Variants in TTC34 observed in about 807,000 individuals in gnomAD.
The protein encoded by TTC34 is tetratricopeptide repeat domain 34.
TTC34 carries 44 observed loss-of-function variants against 40.7 expected under a neutral mutation model. The ratio of observed to expected loss-of-function variants is 1.08; its 90% CI spans 0.85 to 1.39. The LOEUF (loss-of-function observed/expected upper bound fraction) is 1.39. Among genes scored for constraint, TTC34 ranks in the 40% most tolerant of loss-of-function variants. The pLI is 0.00. For missense variants in TTC34, 884 were observed against 838.0 expected, an observed-to-expected ratio of 1.05 and a Z score of -0.68; for synonymous variants, 422 against 398.6, an observed-to-expected ratio of 1.06 and a Z score of -0.70.
chr1:2,768,075 G>C, intron 6 of TTC34, among the ~76,000 whole-genome samples: 1 of 151,574 alleles, frequency 6.6e-6, no homozygotes, highest in South Asian at 2.1e-4. Context: ...GCCAGGAACG[G>C]CAACCCACAT....
intron 6 of TTC34, among the ~76,000 whole-genome samples, chr1:2,781,900 C>T (rs1006886747): frequency 6.6e-6 from 1 of 152,078 alleles, no homozygotes; most frequent in African/African-American, 2.4e-5. Context: ...TAACAAATTG[C>T]TGAATTTGTT....
chr1:2,656,353 A>G (rs1639344398), intron 6 of TTC34, among the ~76,000 whole-genome samples: 4 of 147,908 alleles, frequency 2.7e-5, no homozygotes, highest in African/African-American at 1.0e-4. Flanking sequence ...TGAGCATCTG[A>G]CAGCCTGGAA....
At chr1:2,644,238 G>A (rs1638972147) in intron 8 of TTC34, 26 bp downstream of exon 8, 1 of 1,521,114 alleles carries the variant, frequency 6.6e-7, no homozygotes, top group Non-Finnish European at 8.8e-7. Context: ...GGTTGGGGTG[G>A]GAGATCTGTG....
At chr1:2,693,769 C>A (rs1449927460) in intron 6 of TTC34, among the ~76,000 whole-genome samples, 2 of 90,592 alleles carry the variant, frequency 2.2e-5, no homozygotes, top group African/African-American at 4.0e-5. Flanking sequence ...ATCCGACAGC[C>A]TGGAGCAGCA....
intron 6 of TTC34, among the ~76,000 whole-genome samples, chr1:2,653,745 G>T (rs28599692): frequency 1.4e-5 from 2 of 138,390 alleles, no homozygotes; most frequent in Admixed American, 7.4e-5. Context: ...AGTGAGCATC[G>T]GAGAGTCTGG....
intron 6 of TTC34, among the ~76,000 whole-genome samples, chr1:2,685,884 A>C (rs1640314863): frequency 1.3e-5 from 2 of 150,596 alleles, no homozygotes; most frequent in Non-Finnish European, 3.0e-5. Context: ...CTGCACCCCC[A>C]GGTGAGCATC....
intron 6 of TTC34, among the ~76,000 whole-genome samples, chr1:2,698,279 C>G (rs1160579241): frequency 1.3e-5 from 1 of 74,484 alleles, no homozygotes; most frequent in East Asian, 3.2e-4. Context: ...TGAAACAGAA[C>G]CCTGCACCCC....
At chr1:2,651,632 C>CCCTGCATA (rs1434273258) in intron 6 of TTC34, among the ~76,000 whole-genome samples, 2 of 151,976 alleles carry the variant, frequency 1.3e-5, no homozygotes, top group African/African-American at 4.8e-5. Flanking sequence ...TGGAACATCA[C>CCCTGCATA]CCTGCATACC....
At chr1:2,641,416 C>T (rs1382808089) in exon 9 of TTC34, 2 of 1,532,204 alleles carry the variant, frequency 1.3e-6, no homozygotes, top group African/African-American at 1.4e-5. Context: ...TTCTGGCCTT[C>T]AGTCTCTTCA....
exon 9 of TTC34, chr1:2,641,392 T>C (rs1262283087): frequency 1.3e-6 from 2 of 1,523,324 alleles, no homozygotes. Context: ...AGCCTGAGGA[T>C]GCCTCCCTCC....
intron 6 of TTC34, among the ~76,000 whole-genome samples, chr1:2,692,697 C>T (rs61765743): frequency 0.042 from 4,065 of 95,742 alleles, 7 homozygotes; most frequent in Non-Finnish European, 0.057. Flanking sequence ...CCTGGAGCAG[C>T]ACCCACACCC....
At position 2,690,994 on chromosome 1, in the gene TTC34, T is replaced by G. The variant is rs1054388920; in HGVS notation, c.2227-45431A>C. 9.0e-5 allele frequency among the ~76,000 whole-genome samples: 7 copies of G among 77,600 alleles called. 3 individuals carry two copies. Among genetic ancestry groups the G allele is most frequent in the Non-Finnish European group, 2.2e-4 (7 of 32,438 alleles). The allele number at this position is 77,600 out of a possible 152,430, so 50.9% of individuals were successfully genotyped here. A position where few individuals can be genotyped will look rare whatever the true frequency, so the allele number is the denominator to read the frequency against. ...CAGCACCCACACCCCTAGGAGAGCA[T>G]CCGGCAGCCTGGAGCGGAACCCACA... On this transcript the variant is annotated intron_variant, in intron 6 of 8. Coordinates refer to ENST00000401095, the Ensembl canonical transcript of TTC34.
chr1:2,654,201 C>A (rs1252106297), intron 6 of TTC34, among the ~76,000 whole-genome samples: 1 of 152,228 alleles, frequency 6.6e-6, no homozygotes, highest in African/African-American at 2.4e-5. Flanking sequence ...CCTGGAGCAG[C>A]ACCCACACAC....
At chr1:2,768,067 C>G (rs1206953436) in intron 6 of TTC34, among the ~76,000 whole-genome samples, 2 of 151,462 alleles carry the variant, frequency 1.3e-5, no homozygotes, top group African/African-American at 4.8e-5. Context: ...ATTTGCCAGC[C>G]AGGAACGGCA....
rs1165915371 is a variant in TTC34 at position 2,687,205 on chromosome 1, C to G, written c.2227-41642G>C. 2.1e-5 allele frequency among the ~76,000 whole-genome samples: 3 copies of G among 141,516 alleles called. No homozygotes were observed. In the East Asian group the frequency reaches 6.0e-4, roughly 29 times the overall value. 92.8% of individuals were successfully genotyped at this position (141,516 alleles called of 152,430 possible). ...TGAACCCACGGAGCAGCACCCACAC[C>G]TCCCGGCGAGCATCCGACAGCCTGG... On this transcript the variant is annotated intron_variant, in intron 6 of 8. Coordinates refer to ENST00000401095, the Ensembl canonical transcript of TTC34.
At chr1:2,775,047 G>A (rs868228644) in intron 6 of TTC34, 3 of 127,626 alleles carry the variant, frequency 2.4e-5, no homozygotes, top group Non-Finnish European at 5.0e-5. Context: ...GCATCTGACC[G>A]CATGGAATGG....
chr1:2,765,731 T>C lies in TTC34; in HGVS notation c.2226+17878A>G, dbSNP rs1253834353. Among the ~76,000 whole-genome samples the C allele has an allele frequency of 8.6e-5, 4 of 46,314 alleles. 1 individual carries two copies. The East Asian group carries it at 2.3e-3, about 27-fold the overall frequency. The allele number at this position is 46,314 out of a possible 152,430, so 30.4% of individuals were successfully genotyped here. ...GCATGCACACCCCCAGGCGAGCATC[T>C]GACAGCCTGGAGCAGCGCCCACACC... is the stretch of plus-strand genomic sequence containing the variant. On this transcript the variant is annotated intron_variant, in intron 6 of 8. Transcript: ENST00000401095.
At chr1:2,789,854 A>G in exon 3 of TTC34, 1 of 427,670 alleles carries the variant, frequency 2.3e-6, no homozygotes, top group Non-Finnish European at 4.1e-6. Flanking sequence ...CCCGGCGTGC[A>G]GCGCGCAGAA....
intron 6 of TTC34, among the ~76,000 whole-genome samples, chr1:2,698,521 C>A (rs1407212726): frequency 7.2e-6 from 1 of 138,278 alleles, no homozygotes. Context: ...GAAGCAGCAC[C>A]CCACACCCCC....
Sources: gnomAD v4.1 joint callset for allele counts (sites outside exome capture counted in the v4.1 genomes callset) on GRCh38, gnomAD v4.1.1 for gene constraint, MANE v1.5 for transcripts, NCBI Gene and HGNC (gene_info 2026-07-23, HGNC 2026-07-21) for gene names.